VPS25: variants seen among roughly 807,000 people sequenced by gnomAD.
The protein encoded by VPS25 is vacuolar protein-sorting-associated protein 25.
A neutral mutation model predicts 30.3 loss-of-function variants in VPS25; 21 were observed. The observed-to-expected ratio is 0.69, with a 90% CI of 0.49 to 1.00. The LOEUF (loss-of-function observed/expected upper bound fraction) is 1.00. Among genes scored for constraint, VPS25 ranks in the 50% least tolerant of loss-of-function variants. VPS25 has a pLI of 0.00. For missense variants in VPS25, 156 were observed against 217.2 expected, an observed-to-expected ratio of 0.72 and a Z score of 1.77; for synonymous variants, 101 against 88.1, an observed-to-expected ratio of 1.15 and a Z score of -0.82.
At chr17:42,775,175 T>C (rs1030394628) in intron 3 of VPS25, 1 of 526,944 alleles carries the variant, frequency 1.9e-6, no homozygotes, top group South Asian at 2.3e-5. Context: ...TCCTGAGTAG[T>C]TGAGACCTCA....
chr17:42,775,108 A>G (rs903986803), intron 3 of VPS25: 1 of 419,514 alleles, frequency 2.4e-6, no homozygotes, highest in Non-Finnish European at 4.3e-6. Context: ...GCAGTGGCTC[A>G]GTCCTATCTC....
chr17:42,774,087 C>A, intron 2 of VPS25: 2 of 550,250 alleles, frequency 3.6e-6, no homozygotes, highest in South Asian at 3.0e-5. Context: ...GATGACTGCT[C>A]GGATGTCATT....
chr17:42,776,955 G>A (rs373229491), intron 5 of VPS25, among the ~76,000 whole-genome samples: 145 of 152,080 alleles, frequency 9.5e-4, no homozygotes, highest in African/African-American at 3.3e-3. Flanking sequence ...ACAGTGGCTC[G>A]TGCCTGTAAT....
rs7216733 is a variant in VPS25 at position 42,775,088 on chromosome 17, A to T, written c.254-293A>T. The stretch of plus-strand genomic sequence containing the variant: ...GAGATAAGGTCTCACTCTGTCATCC[A>T]GGCTGGAGTGCAGTGGCTCAGTCCT... On this transcript the variant is annotated intron_variant, in intron 3 of 5. Transcript: ENST00000253794. 3,642 of 385,764 alleles carry T rather than the reference A, an allele frequency of 9.4e-3. 113 individuals are homozygous for T. The highest frequency in any genetic ancestry group is 0.068 in the African/African-American group (3,316 of 48,510). 23.9% of individuals were successfully genotyped at this position (385,764 alleles called of 1,614,324 possible).
Position 42,779,223 on chromosome 17 carries a change from C to T in VPS25, c.*154C>T, listed in dbSNP as rs2054454850. On this transcript the variant is annotated 3_prime_UTR_variant, in exon 6 of 6. Transcript: ENST00000253794. Reference sequence around the variant, plus strand: ...CTGGGACCTGGGGATGGGTTTCTCACACCCCATATGTCTGTCCCTTGGATA... The same window carrying T: ...CTGGGACCTGGGGATGGGTTTCTCATACCCCATATGTCTGTCCCTTGGATA... 1.5e-6 allele frequency: 1 copy of T among 650,624 alleles called. No individual in the cohort carries two copies. The highest frequency in any genetic ancestry group is 2.8e-5 in the East Asian group (1 of 35,096). The allele number at this position is 650,624 out of a possible 1,614,324, so 40.3% of individuals were successfully genotyped here. A position where few individuals can be genotyped will look rare whatever the true frequency, so the allele number is the denominator to read the frequency against.
intron 2 of VPS25, 33 bp downstream of exon 2, chr17:42,773,911 C>A (rs2054423067): frequency 1.1e-5 from 17 of 1,596,606 alleles, no homozygotes; most frequent in Non-Finnish European, 1.4e-5. Context: ...ACAGCCCATA[C>A]ACATGCACTT....
chr17:42,777,062 T>C (rs995396302), intron 5 of VPS25, among the ~76,000 whole-genome samples: 6 of 151,610 alleles, frequency 4.0e-5, no homozygotes, highest in African/African-American at 1.2e-4. Context: ...CTACAAAAAA[T>C]TTAAAAATCA....
chr17:42,778,830 G>C, intron 5 of VPS25, 127 bp from the exon 6 acceptor site: 1 of 698,184 alleles, frequency 1.4e-6, no homozygotes, highest in Non-Finnish European at 2.4e-6. Context: ...GTGGATGGCA[G>C]CTGTAGCAGT....
intron 2 of VPS25, chr17:42,774,227 T>C: frequency 3.8e-6 from 1 of 265,360 alleles, no homozygotes; most frequent in Non-Finnish European, 7.1e-6. Context: ...TTATTTTCTC[T>C]GCCCCCCTCC....
chr17:42,776,641 C>T (rs1413387458), intron 5 of VPS25, among the ~76,000 whole-genome samples: 1 of 148,868 alleles, frequency 6.7e-6, no homozygotes, highest in East Asian at 2.0e-4. Flanking sequence ...GGATTAGAGG[C>T]GTGAGCCACT....
At position 42,773,542 on chromosome 17, in the gene VPS25, C is replaced by T. The variant is rs770051123; in HGVS notation, c.53+14C>T. On this transcript the variant is annotated intron_variant, in intron 1 of 5. Transcript: ENST00000253794. ...ACCCTTCTTTACGTGAGGCTCAGAC[C>T]CCAAGAAGCACCGCTGTGCCTCCCT... is the stretch of plus-strand genomic sequence containing the variant. 4.7e-5 allele frequency: 76 copies of T among 1,614,048 alleles called. No individual in the cohort carries two copies. Among genetic ancestry groups the T allele is most frequent in the Non-Finnish European group, 6.0e-5 (71 of 1,180,034 alleles).
In VPS25 at chr17:42,778,971, G is replaced by C; in HGVS notation, c.433G>C (p.Asp145His). 1 of 1,614,040 alleles carries C rather than the reference G, an allele frequency of 6.2e-7. No individual in the cohort carries two copies. The highest frequency in any genetic ancestry group is 1.3e-5 in the African/African-American group (1 of 75,054). Residue 145 changes from aspartate to histidine, a missense_variant, in exon 6 of 6, where the codon GAT (aspartate) becomes CAT (histidine). Physicochemically the swap from Asp to His is moderately conservative, Grantham distance 81. Coordinates refer to ENST00000253794, the MANE Select transcript of VPS25 (RefSeq NM_032353.4). Reference sequence around the variant, plus strand: ...TCCCTGTTCAGAGTTCCACGGGCTGGATGAAGCCACTCTACTGCGGGCTCT... The same window carrying C: ...TCCCTGTTCAGAGTTCCACGGGCTGCATGAAGCCACTCTACTGCGGGCTCT... ...DTEDEEFHGL[D>H]EATLLRALQA...
Position 42,774,635 on chromosome 17 carries a change from C to T in VPS25, c.200-11C>T, listed in dbSNP as rs1373672140. On this transcript the variant is annotated splice_polypyrimidine_tract_variant and intron_variant, in intron 2 of 5. Coordinates refer to ENST00000253794, the MANE Select transcript of VPS25 (RefSeq NM_032353.4). ...ACTCATGTGTATGCCGTTCCCTTAACCTTAAACCAGGAAAGCTTCCTGTGG... is the reference window on the plus strand; with the variant it reads ...ACTCATGTGTATGCCGTTCCCTTAATCTTAAACCAGGAAAGCTTCCTGTGG... 6.2e-7 allele frequency: 1 copy of T among 1,612,048 alleles called. No individual in the cohort carries two copies. The highest frequency in any genetic ancestry group is 1.7e-5 in the Admixed American group (1 of 59,970).
Position 42,773,503 on chromosome 17 carries a change from C to T in VPS25, c.28C>T (p.Gln10Ter), listed in dbSNP as rs1255843564. 1 of 1,614,202 alleles carries T rather than the reference C, an allele frequency of 6.2e-7. No homozygotes were observed. The highest frequency in any genetic ancestry group is 2.2e-5 in the East Asian group (1 of 44,886). ...GGCGATGAGTTTCGAGTGGCCGTGG[C>T]AGTATCGCTTCCCACCCTTCTTTAC... MAMSFEWPW[Q>*]YRFPPFFTLQ... The change falls in exon 1 of 6, where the codon CAG (glutamine) becomes TAG (stop). Residue 10 changes from glutamine (Q) to a stop codon, truncating the protein, a stop_gained. Coordinates refer to ENST00000253794, the MANE Select transcript of VPS25 (RefSeq NM_032353.4). LOFTEE classifies it high-confidence loss of function.
chr17:42,776,131 A>C (rs988259451), intron 4 of VPS25, 114 bp from the exon 5 acceptor site: 1 of 869,666 alleles, frequency 1.1e-6, no homozygotes, highest in African/African-American at 1.7e-5. Context: ...GGCGACAGTG[A>C]GTCCTGGTTT....
intron 1 of VPS25, 23 bp from the exon 2 acceptor site, chr17:42,773,710 G>T (rs576870515): frequency 1.3e-4 from 211 of 1,611,116 alleles, no homozygotes; most frequent in South Asian, 3.5e-4. Context: ...CTAATTCTGC[G>T]CCCCACTCCC....
At position 42,779,052 on chromosome 17, in the gene VPS25, G is replaced by A; in HGVS notation, c.514G>A (p.Gly172Ser). ...GATCATCACTGTCAGCGATGGCCGAGGCGTCAAGTTCTTCTAGCAGGGACC... is the reference window on the plus strand; with the variant it reads ...GATCATCACTGTCAGCGATGGCCGAAGCGTCAAGTTCTTCTAGCAGGGACC... Reference protein sequence around the residue: ...AEIITVSDGRGVKFF With the variant: ...AEIITVSDGRSVKFF Residue 172 changes from glycine to serine, a missense_variant, in exon 6 of 6, where the codon GGC (glycine) becomes AGC (serine). Physicochemically the swap from Gly to Ser is moderately conservative, Grantham distance 56 (BLOSUM62 0). Transcript: ENST00000253794. The A allele has an allele frequency of 6.2e-7, 1 of 1,613,938 alleles. No individual in the cohort carries two copies. Among genetic ancestry groups the A allele is most frequent in the Non-Finnish European group, 8.5e-7 (1 of 1,179,898 alleles).
chr17:42,776,661 C>CTTTTTTTTTTTTTTTTTTT (rs1177773681), intron 5 of VPS25, among the ~76,000 whole-genome samples: 1 of 142,170 alleles, frequency 7.0e-6, no homozygotes, highest in Non-Finnish European at 1.5e-5. Flanking sequence ...TGTGCCCCGC[C>CTTTTTTTTTTTTTTTTTTT]TGTTTTTTTT....
intron 5 of VPS25, among the ~76,000 whole-genome samples, chr17:42,776,593 A>G (rs1483714053): frequency 1.3e-5 from 2 of 149,792 alleles, no homozygotes; most frequent in Non-Finnish European, 3.0e-5. Context: ...TAAACTCCTA[A>G]CCTCGTGATC....
Sources: gnomAD v4.1 joint callset for allele counts (sites outside exome capture counted in the v4.1 genomes callset) on GRCh38, gnomAD v4.1.1 for gene constraint, MANE v1.5 for transcripts, NCBI Gene and HGNC (gene_info 2026-07-23, HGNC 2026-07-21) for gene names.